The following PARP9 variants were observed in gnomAD, a reference collection of about 807,000 sequenced individuals.
PARP9 encodes protein mono-ADP-ribosyltransferase PARP9.
Under a neutral mutation model 68.8 loss-of-function variants are expected in PARP9, and 48 were observed. The observed-to-expected ratio is 0.70, with a 90% CI of 0.55 to 0.89. PARP9 has a LOEUF of 0.89. Among genes scored for constraint, PARP9 ranks in the 40% least tolerant of loss-of-function variants. The pLI is 0.00. For missense variants in PARP9, 806 were observed against 969.3 expected (o/e 0.83, Z 2.24); for synonymous variants, 309 against 333.8 (o/e 0.93, Z 0.81).
chr3:122,534,544 T>C, intron 10 of PARP9: 1 of 663,556 alleles, frequency 1.5e-6, no homozygotes, highest in Non-Finnish European at 1.9e-6. Flanking sequence ...TATCACTATA[T>C]AATGAGTATG....
In PARP9 at chr3:122,559,682, T is replaced by C; in HGVS notation, c.-62A>G. The C allele has an allele frequency of 5.3e-6, 8 of 1,500,076 alleles. No individual in the cohort carries two copies. Among genetic ancestry groups the C allele is most frequent in the Non-Finnish European group, 7.2e-6 (8 of 1,116,266 alleles). The allele number at this position is 1,500,076 out of a possible 1,614,324, so 92.9% of individuals were successfully genotyped here. On this transcript the variant is annotated 5_prime_UTR_variant, in exon 2 of 11. Transcript: ENST00000682323. ...CCCTTTTGCGCTTCAAAGCATAGAC[T>C]GTAGTTTCCAGATATGGTGGCCCAC...
chr3:122,539,507 A>ATTTATTTCTTTCTTTC (rs1553714535), intron 8 of PARP9, among the ~76,000 whole-genome samples: 11 of 133,236 alleles, frequency 8.3e-5, no homozygotes, highest in African/African-American at 3.2e-4. Flanking sequence ...CCAAGATGGC[A>ATTTATTTCTTTCTTTC]TTTCTTTCTT....
intron 10 of PARP9, chr3:122,532,409 G>A (rs1576374391): frequency 3.1e-5 from 31 of 985,272 alleles, no homozygotes; most frequent in Non-Finnish European, 3.7e-5. Flanking sequence ...GCCTCTCCCA[G>A]CATAGACAAA....
intron 5 of PARP9, among the ~76,000 whole-genome samples, chr3:122,551,797 C>A (rs1176494047): frequency 6.6e-6 from 1 of 152,204 alleles, no homozygotes; most frequent in South Asian, 2.1e-4. Context: ...AAAAGGCCAA[C>A]GAGGTCACTG....
Position 122,537,018 on chromosome 3 carries a change from TATG to T in PARP9, c.1818_1820del (p.Ile607del), listed in dbSNP as rs568629134. The T allele has an allele frequency of 5.8e-4, 931 of 1,613,610 alleles. 4 individuals are homozygous for T. In the African/African-American group the frequency reaches 0.011, roughly 19 times the overall value. Reference sequence around the variant, plus strand: ...TTGGAGGCACAGGACATTTCAGAAATATGATATTTTCTTTCATTTCGTCTTGGG... The same window carrying T: ...TTGGAGGCACAGGACATTTCAGAAATATATTTTCTTTCATTTCGTCTTGGG... On this transcript the variant is annotated inframe_deletion, in exon 9 of 11. Coordinates refer to ENST00000682323, the MANE Select transcript of PARP9 (RefSeq NM_001146105.2).
intron 10 of PARP9, chr3:122,535,228 T>C (rs989734486): frequency 1.1e-5 from 11 of 985,416 alleles, no homozygotes; most frequent in Non-Finnish European, 1.3e-5. Context: ...ACTTTCCTGA[T>C]TGCCCCAAAA....
At chr3:122,542,724 C>T (rs868474165) in intron 7 of PARP9, among the ~76,000 whole-genome samples, 5 of 151,984 alleles carry the variant, frequency 3.3e-5, no homozygotes, top group Non-Finnish European at 7.4e-5. Context: ...ATGATCTGCT[C>T]GCCTTGGCCT....
Position 122,550,506 on chromosome 3 carries a change from T to C in PARP9, c.1326+78A>G, listed in dbSNP as rs1180209854. 22 of 1,192,928 alleles carry C rather than the reference T, an allele frequency of 1.8e-5. No individual in the cohort carries two copies. In the Admixed American group the frequency reaches 2.2e-4, roughly 12 times the overall value. The allele number at this position is 1,192,928 out of a possible 1,614,324, so 73.9% of individuals were successfully genotyped here. ...AGCCCTGCATCCCCTGCATCTTACA[T>C]TGTAGATACTAAACAGATGTTGCTG... On this transcript the variant is annotated intron_variant, in intron 6 of 10. Transcript: ENST00000682323.
At position 122,558,467 on chromosome 3, in the gene PARP9, C is replaced by T. The variant is rs2079900667; in HGVS notation, c.16G>A (p.Val6Met). 1.2e-6 allele frequency: 2 copies of T among 1,613,470 alleles called. No homozygotes were observed. Among genetic ancestry groups the T allele is most frequent in the Admixed American group, 1.7e-5 (1 of 59,926 alleles). MDFSM[V>M]AGAAAYNEKS... ...TCATTGTAAGCTGCTGCTCCGGCCA[C>T]CTGTGAAAAATGAGAATGGCTTTCT... Residue 6 changes from valine (V) to methionine (M), a missense_variant and splice_region_variant, in exon 3 of 11, where the codon GTG becomes ATG. Around this residue, in one of 2 missense-constraint regions of PARP9, gnomAD observed 126 missense variants for 110.5 expected, o/e 1.14. Coordinates refer to ENST00000682323, the MANE Select transcript of PARP9 (RefSeq NM_001146105.2).
At position 122,533,631 on chromosome 3, in the gene PARP9, C is replaced by T. The variant is rs944440168; in HGVS notation, c.2080+2537G>A. On this transcript the variant is annotated intron_variant, in intron 10 of 10. Transcript: ENST00000682323. ...TTTTATTTACACTCTATTTCTAGTA[C>T]CCCTAGCACAGGGCCTGATTCATAG... 10 of 921,676 alleles carry T rather than the reference C, an allele frequency of 1.1e-5. No individual in the cohort carries two copies. The African/African-American group carries it at 1.8e-4, about 17-fold the overall frequency. The allele number at this position is 921,676 out of a possible 1,614,324, so 57.1% of individuals were successfully genotyped here.
At chr3:122,543,809 A>G (rs1051749242) in intron 7 of PARP9, among the ~76,000 whole-genome samples, 2 of 141,562 alleles carry the variant, frequency 1.4e-5, no homozygotes, top group Non-Finnish European at 3.1e-5. Flanking sequence ...ATGGGTTTTA[A>G]CATCTTGCCC....
chr3:122,539,712 C>T (rs2078038645), intron 8 of PARP9, among the ~76,000 whole-genome samples: 1 of 152,010 alleles, frequency 6.6e-6, no homozygotes, highest in African/African-American at 2.4e-5. Flanking sequence ...AAGCATGGGC[C>T]ACCATGCCTG....
Position 122,555,308 on chromosome 3 carries a change from T to C in PARP9, c.863A>G (p.Gln288Arg), listed in dbSNP as rs1234153260. The C allele has an allele frequency of 6.2e-7, 1 of 1,613,058 alleles. No homozygotes were observed. Among genetic ancestry groups the C allele is most frequent in the African/African-American group, 1.3e-5 (1 of 74,924 alleles). ...TACCGTCTGCCATTCAATGTGGCCC[T>C]GGACAATCTGGAGGGTCAGGTTGTT... ...VVNNLTLQIVQGHIEWQTADV... is the reference protein window; with the variant it reads ...VVNNLTLQIVRGHIEWQTADV... Residue 288 changes from glutamine to arginine, a missense_variant, in exon 4 of 11, where the codon CAG (glutamine) becomes CGG (arginine). By Grantham distance (43) the Gln-to-Arg change is conservative. This residue lies in a region of PARP9 where 680 missense variants were observed against 858.8 expected (regional missense o/e 0.79). Transcript: ENST00000682323.
intron 2 of PARP9, among the ~76,000 whole-genome samples, chr3:122,559,144 G>A (rs149522336): frequency 7.1e-4 from 108 of 152,318 alleles, no homozygotes; most frequent in Admixed American, 1.7e-3. Context: ...AGCTCATGGG[G>A]TTTCTCTAGA....
rs1167523728 is a variant in PARP9, at chr3:122,555,551, C to T, written c.620G>A (p.Gly207Glu). 1.2e-6 allele frequency: 2 copies of T among 1,613,946 alleles called. No individual in the cohort carries two copies. Among genetic ancestry groups the T allele is most frequent in the Non-Finnish European group, 1.7e-6 (2 of 1,180,010 alleles). Residue 207 changes from glycine (G) to glutamate (E), a missense_variant, in exon 4 of 11, where the codon GGG (glycine) becomes GAG (glutamate). By Grantham distance (98) the Gly-to-Glu change is moderately conservative. This residue lies in a region of PARP9 where 680 missense variants were observed against 858.8 expected (regional missense o/e 0.79). Coordinates refer to ENST00000682323, the MANE Select transcript of PARP9 (RefSeq NM_001146105.2). ...CAAATTCAGAGGGAACTGAAAAATCCCAGAGCTCAAGGCTGGAATTGCTAC... is the reference window on the plus strand; with the variant it reads ...CAAATTCAGAGGGAACTGAAAAATCTCAGAGCTCAAGGCTGGAATTGCTAC... ...KTVAIPALSSGIFQFPLNLCT... is the reference protein window; with the variant it reads ...KTVAIPALSSEIFQFPLNLCT...
In PARP9 at chr3:122,528,671, G is replaced by T. The variant is rs1346427249; in HGVS notation, c.2153C>A (p.Ser718Tyr). Residue 718 changes from serine to tyrosine, a missense_variant, in exon 11 of 11, where the codon TCT becomes TAT. Ser to Tyr is a moderately radical substitution (Grantham distance 144, BLOSUM62 -2). Coordinates refer to ENST00000682323, the MANE Select transcript of PARP9 (RefSeq NM_001146105.2). The stretch of plus-strand genomic sequence containing the variant: ...CACATAGATCAGCTTATCTGCAGCA[G>T]AGATTTTCTTGGCCTTCTCTGCCAG... Reference protein sequence around the residue: ...KNLAEKAKKISAADKLIYVFE... With the variant: ...KNLAEKAKKIYAADKLIYVFE... The T allele has an allele frequency of 2.5e-6, 4 of 1,614,194 alleles. No individual in the cohort carries two copies. Among genetic ancestry groups the T allele is most frequent in the Non-Finnish European group, 2.5e-6 (3 of 1,180,006 alleles).
intron 10 of PARP9, chr3:122,534,215 C>T (rs1188172376): frequency 4.8e-6 from 4 of 835,490 alleles, no homozygotes; most frequent in African/African-American, 3.7e-5. Context: ...AATTAGGCCT[C>T]GTGCCCACTG....
rs1491136847 is a variant in PARP9, at chr3:122,529,233, TTA to T, written c.2081-492_2081-491del. Among the ~76,000 whole-genome samples the T allele has an allele frequency of 3.2e-3, 241 of 74,480 alleles. 1 individual carries two copies. Among genetic ancestry groups the T allele is most frequent in the African/African-American group, 9.3e-3 (205 of 21,992 alleles). 48.9% of individuals were successfully genotyped at this position (74,480 alleles called of 152,430 possible). ...AACCTGGGCAATAAGAGCGAAACTC[TTA>T]AAAAAAAAAAAAAAAAAAAAAAAGA... On this transcript the variant is annotated intron_variant, in intron 10 of 10. Coordinates refer to ENST00000682323, the MANE Select transcript of PARP9 (RefSeq NM_001146105.2).
intron 8 of PARP9, among the ~76,000 whole-genome samples, chr3:122,539,652 C>T (rs530682943): frequency 6.6e-6 from 1 of 151,768 alleles, no homozygotes; most frequent in South Asian, 2.1e-4. Context: ...CCTCTGCCTC[C>T]TGGGTTCAAG....
Sources: allele counts gnomAD v4.1 joint callset (sites outside exome capture counted in the v4.1 genomes callset), GRCh38; gene constraint gnomAD v4.1.1; regional missense constraint gnomAD v4.1.1; transcripts MANE v1.5; gene names NCBI Gene and HGNC (gene_info 2026-07-23, HGNC 2026-07-21).